EYS: variants seen among roughly 807,000 people sequenced by gnomAD.
EYS encodes the protein protein eyes shut homolog.
EYS carries 250 observed loss-of-function variants against 282.1 expected under a neutral mutation model. The observed-to-expected ratio is 0.89, with a 90% CI of 0.80 to 0.98. The LOEUF is 0.98. Among genes scored for constraint, EYS ranks in the 50% least tolerant of loss-of-function variants. The pLI is 0.00. For missense variants in EYS, 4,016 were observed against 3,709.0 expected (o/e 1.08, Z -2.15); for synonymous variants, 1,355 against 1,282.9 (o/e 1.06, Z -1.20).
In EYS at chr6:64,205,330, C is replaced by T. The variant is rs575572601; in HGVS notation, c.6424+25262G>A. 7.1e-4 allele frequency among the ~76,000 whole-genome samples: 108 copies of T among 152,198 alleles called. 3 individuals are homozygous for T. In the South Asian group the frequency reaches 0.021, roughly 29 times the overall value. ...TTTTAAATTATAATTGGGTGATGCACTTTGATCTTTATAATCATGGTTAAT... is the reference window on the plus strand; with the variant it reads ...TTTTAAATTATAATTGGGTGATGCATTTTGATCTTTATAATCATGGTTAAT... On this transcript the variant is annotated intron_variant, in intron 31 of 42. Coordinates refer to ENST00000503581, the MANE Select transcript of EYS (RefSeq NM_001142800.2).
chr6:65,407,066 C>T (rs1201577676), intron 5 of EYS, among the ~76,000 whole-genome samples: 1 of 151,990 alleles, frequency 6.6e-6, no homozygotes, highest in African/African-American at 2.4e-5. Flanking sequence ...ATTTCCATCC[C>T]AACAAGATTG....
chr6:65,083,858 G>C (rs1038259658), intron 12 of EYS, among the ~76,000 whole-genome samples: 9 of 151,590 alleles, frequency 5.9e-5, no homozygotes, highest in African/African-American at 1.9e-4. Context: ...GTATTAATCT[G>C]AAGGTGATAA....
rs1428130349 is a variant in EYS, at chr6:63,727,923, C to G, written c.8072-1243G>C. On this transcript the variant is annotated intron_variant, in intron 41 of 42. Coordinates refer to ENST00000503581, the MANE Select transcript of EYS (RefSeq NM_001142800.2). ...CTTGGGCGACGGAGTGGGACCCTGT[C>G]GTAAAAAAAAAAAATGCTGGGATGG... 2.1e-5 allele frequency among the ~76,000 whole-genome samples: 3 copies of G among 144,858 alleles called. No homozygotes were observed. In the South Asian group the frequency reaches 6.6e-4, roughly 32 times the overall value.
chr6:64,813,783 G>A (rs1428291446), intron 21 of EYS, among the ~76,000 whole-genome samples: 4 of 151,736 alleles, frequency 2.6e-5, no homozygotes, highest in African/African-American at 7.3e-5. Flanking sequence ...ATATTTTATT[G>A]CTGATTTACC....
chr6:65,287,335 T>C (rs1243879349), intron 12 of EYS, among the ~76,000 whole-genome samples: 1 of 151,470 alleles, frequency 6.6e-6, no homozygotes, highest in Non-Finnish European at 1.5e-5. Context: ...ATGATGAATA[T>C]ATTTGGTCAT....
At chr6:64,035,725 T>C (rs992127121) in intron 33 of EYS, among the ~76,000 whole-genome samples, 3 of 152,250 alleles carry the variant, frequency 2.0e-5, no homozygotes, top group Admixed American at 2.0e-4. Context: ...ATAATAATTG[T>C]ATTTTCATGT....
At chr6:64,358,869 G>A (rs909082644) in intron 29 of EYS, among the ~76,000 whole-genome samples, 1 of 151,666 alleles carries the variant, frequency 6.6e-6, no homozygotes, top group Non-Finnish European at 1.5e-5. Context: ...AAGTTGCTAC[G>A]ATCAGTGGCC....
At chr6:64,604,294 A>G (rs914616886) in intron 24 of EYS, among the ~76,000 whole-genome samples, 1 of 152,056 alleles carries the variant, frequency 6.6e-6, no homozygotes, top group East Asian at 1.9e-4. Context: ...CTAACAATGT[A>G]TGGCCCAAAC....
At chr6:64,566,910 A>T (rs1275809601) in intron 26 of EYS, among the ~76,000 whole-genome samples, 4 of 152,092 alleles carry the variant, frequency 2.6e-5, no homozygotes, top group African/African-American at 9.7e-5. Context: ...AGCAGCTGGG[A>T]TTACAGGTGT....
At chr6:63,743,223 A>G (rs932050357) in intron 41 of EYS, among the ~76,000 whole-genome samples, 2 of 152,182 alleles carry the variant, frequency 1.3e-5, no homozygotes, top group African/African-American at 4.8e-5. Context: ...ACTTGTGGGT[A>G]TACATTATAC....
intron 12 of EYS, among the ~76,000 whole-genome samples, chr6:65,289,212 T>C (rs969752746): frequency 1.5e-4 from 22 of 151,002 alleles, no homozygotes; most frequent in Non-Finnish European, 2.7e-4. Flanking sequence ...AACTTTTAAG[T>C]ATATGCTAAA....
chr6:65,509,168 G>T (rs1373076772), intron 2 of EYS, among the ~76,000 whole-genome samples: 1 of 152,188 alleles, frequency 6.6e-6, no homozygotes. Flanking sequence ...GATGACAGAA[G>T]AATGCCAGAA....
rs1024818497 is a variant in EYS at position 64,436,968 on chromosome 6, C to A, written c.5836-703G>T. On this transcript the variant is annotated intron_variant, in intron 27 of 42. Transcript: ENST00000503581. ...ATTGTATCTAAAAGTGATCTATAAC[C>A]CACATGTGTTAAGAAACTCACTTGC... 2.7e-4 allele frequency among the ~76,000 whole-genome samples: 41 copies of A among 151,650 alleles called. 1 individual carries two copies. The highest frequency in any genetic ancestry group is 2.4e-3 in the Admixed American group (37 of 15,168).
chr6:64,014,318 G>A (rs11963005), intron 33 of EYS, among the ~76,000 whole-genome samples: 2,082 of 151,916 alleles, frequency 0.014, 42 homozygotes, highest in African/African-American at 0.047. Flanking sequence ...ACAAAGATAT[G>A]TTACAGTGAG....
chr6:65,636,138 T>C (rs1767079313), intron 2 of EYS, among the ~76,000 whole-genome samples: 1 of 152,224 alleles, frequency 6.6e-6, no homozygotes, highest in Non-Finnish European at 1.5e-5. Context: ...GCCTATTCTC[T>C]ATACCTCAGT....
chr6:64,806,284 G>A (rs1421004875), intron 22 of EYS, among the ~76,000 whole-genome samples: 1 of 151,674 alleles, frequency 6.6e-6, no homozygotes, highest in African/African-American at 2.4e-5. Flanking sequence ...AGTTGAAAAT[G>A]GTTATTGTAC....
At chr6:65,594,468 G>C (rs900235564) in intron 2 of EYS, among the ~76,000 whole-genome samples, 4 of 151,892 alleles carry the variant, frequency 2.6e-5, no homozygotes, top group Non-Finnish European at 5.9e-5. Flanking sequence ...TTCAAACTTA[G>C]TTACATTACT....
intron 22 of EYS, among the ~76,000 whole-genome samples, chr6:64,640,761 A>T (rs1452836506): frequency 1.3e-5 from 2 of 152,242 alleles, no homozygotes; most frequent in Admixed American, 6.5e-5. Flanking sequence ...AAAGTATTAA[A>T]TAAAAACATT....
At chr6:65,330,620 T>TAA (rs1050898267) in intron 11 of EYS, 2 of 951,440 alleles carry the variant, frequency 2.1e-6, no homozygotes, top group African/African-American at 3.5e-5. Context: ...AAATACACTT[T>TAA]AAAAGAAAAT....
Sources: gnomAD v4.1 joint callset for allele counts (sites outside exome capture counted in the v4.1 genomes callset) on GRCh38, gnomAD v4.1.1 for gene constraint, MANE v1.5 for transcripts, NCBI Gene and HGNC (gene_info 2026-07-23, HGNC 2026-07-21) for gene names.